The following C10orf67 variants were observed in gnomAD, a reference collection of about 807,000 sequenced individuals.
C10orf67 encodes the protein uncharacterized protein C10orf67, mitochondrial.
In C10orf67, 60 loss-of-function variants were observed where a neutral mutation model predicts 35.6. The observed-to-expected ratio is 1.68, with a 90% CI of 1.37 to 2.09. The LOEUF (loss-of-function observed/expected upper bound fraction) is 2.09, where lower values mean the gene tolerates loss of function less well. C10orf67 is among the 30% of genes most tolerant of loss of function. The probability of loss-of-function intolerance (pLI) is 0.00; values close to 1 mark genes in which losing one functional copy is unlikely to be tolerated. For synonymous variants in C10orf67, 167 were observed against 115.8 expected (o/e 1.44, Z -2.84); for missense variants, 474 against 330.2 (o/e 1.44, Z -3.38).
chr10:23,334,468 T>C (rs1039856404), intron 1 of C10orf67, among the ~76,000 whole-genome samples: 5 of 152,274 alleles, frequency 3.3e-5, no homozygotes, highest in African/African-American at 1.2e-4. Context: ...ATGTCTGTGC[T>C]TCTATCCCAC....
rs553694435 is a variant in C10orf67, at chr10:23,330,625, A to C, written c.327+2437T>G. Among the ~76,000 whole-genome samples the C allele has an allele frequency of 4.2e-3, 639 of 152,142 alleles. 8 individuals are homozygous for C. The highest frequency in any genetic ancestry group is 0.015 in the African/African-American group (620 of 41,504). ...CGTGGTGGCCGGCGCCTGTAGTCCC[A>C]GCTACTCGGGAGGCTGAGGCAGGTG... is the stretch of plus-strand genomic sequence containing the variant. On this transcript the variant is annotated intron_variant, in intron 2 of 15. Coordinates refer to ENST00000636213, the MANE Select transcript of C10orf67 (RefSeq NM_001371909.1).
At chr10:23,259,566 A>G (rs562730629) in intron 10 of C10orf67, among the ~76,000 whole-genome samples, 75 of 152,338 alleles carry the variant, frequency 4.9e-4, no homozygotes, top group African/African-American at 1.8e-3. Context: ...CAATAAACAG[A>G]ACCAGACTCA....
intron 13 of C10orf67, among the ~76,000 whole-genome samples, chr10:23,228,357 T>C (rs546201159): frequency 6.6e-6 from 1 of 152,278 alleles, no homozygotes; most frequent in Admixed American, 6.5e-5. Flanking sequence ...CCCTATTTAA[T>C]AAATGGTGCT....
intron 4 of C10orf67, among the ~76,000 whole-genome samples, chr10:23,310,629 C>T (rs4748857): frequency 0.39 from 59,052 of 152,054 alleles, 14,425 homozygotes; most frequent in East Asian, 0.74. Flanking sequence ...AGGCTTCTGC[C>T]CCATCACCCC....
At chr10:23,295,158 G>C (rs1843844433) in intron 5 of C10orf67, among the ~76,000 whole-genome samples, 1 of 152,158 alleles carries the variant, frequency 6.6e-6, no homozygotes, top group Admixed American at 6.5e-5. Flanking sequence ...AATATTAAGA[G>C]TGTTTACAGA....
At chr10:23,263,241 C>T (rs1842798939) in intron 10 of C10orf67, among the ~76,000 whole-genome samples, 1 of 152,174 alleles carries the variant, frequency 6.6e-6, no homozygotes, top group African/African-American at 2.4e-5. Flanking sequence ...TTGTTTTCTT[C>T]TCTCATAGAG....
intron 10 of C10orf67, among the ~76,000 whole-genome samples, chr10:23,254,294 G>C (rs1461177184): frequency 1.3e-5 from 2 of 152,046 alleles, no homozygotes; most frequent in Non-Finnish European, 2.9e-5. Context: ...TGCAACCTCC[G>C]CCTCCCAGGT....
At chr10:23,270,341 C>T (rs1366119626) in intron 8 of C10orf67, among the ~76,000 whole-genome samples, 1 of 152,138 alleles carries the variant, frequency 6.6e-6, no homozygotes, top group African/African-American at 2.4e-5. Flanking sequence ...CCTGGGAAAC[C>T]ATGCTTCTCC....
chr10:23,312,949 G>A (rs778712684), intron 4 of C10orf67, among the ~76,000 whole-genome samples: 1 of 152,060 alleles, frequency 6.6e-6, no homozygotes, highest in African/African-American at 2.4e-5. Context: ...GTCTTTCCTG[G>A]GTCTCCAGCC....
chr10:23,320,964 C>A, intron 3 of C10orf67, 149 bp from the exon 4 acceptor site: 1 of 593,818 alleles, frequency 1.7e-6, no homozygotes, highest in Admixed American at 3.2e-5. Flanking sequence ...TCCCACCCTG[C>A]AGCCGTTATG....
intron 13 of C10orf67, among the ~76,000 whole-genome samples, chr10:23,238,978 C>A (rs879394132): frequency 6.6e-6 from 1 of 151,552 alleles, no homozygotes. Flanking sequence ...CTTAAAGTGA[C>A]AAATGTTGAA....
At chr10:23,302,109 T>C (rs552764251) in intron 5 of C10orf67, among the ~76,000 whole-genome samples, 5 of 151,958 alleles carry the variant, frequency 3.3e-5, no homozygotes, top group African/African-American at 1.2e-4. Context: ...TAGAGTGAAA[T>C]AGAGTGGAAA....
intron 5 of C10orf67, among the ~76,000 whole-genome samples, chr10:23,297,230 C>CCTTTCCTTT (rs1843909292): frequency 6.9e-6 from 1 of 145,604 alleles, no homozygotes; most frequent in Non-Finnish European, 1.5e-5. Context: ...CTTTCTATTT[C>CCTTTCCTTT]CCTTTCCTTT....
At chr10:23,246,713 T>C (rs1842324434) in intron 12 of C10orf67, among the ~76,000 whole-genome samples, 3 of 152,216 alleles carry the variant, frequency 2.0e-5, no homozygotes, top group African/African-American at 7.2e-5. Flanking sequence ...TGTGTAGGCT[T>C]AGGCTAGTGT....
At position 23,282,035 on chromosome 10, in the gene C10orf67, T is replaced by G; in HGVS notation, c.953A>C (p.Glu318Ala). 1.6e-6 allele frequency: 1 copy of G among 626,356 alleles called. No homozygotes were observed. Among genetic ancestry groups the G allele is most frequent in the Non-Finnish European group, 2.9e-6 (1 of 345,374 alleles). 38.8% of individuals were successfully genotyped at this position (626,356 alleles called of 1,614,324 possible). The change falls in exon 8 of 16, where the codon GAA (glutamate) becomes GCA (alanine). Residue 318 changes from glutamate (E) to alanine (A), a missense_variant. By Grantham distance (107) the Glu-to-Ala change is moderately radical. Transcript: ENST00000636213. Reference sequence around the variant, plus strand: ...TACCACATCCTGAACTAATGATTTTTCATAATGAAGCTCTTCTCTTAATCT... The same window carrying G: ...TACCACATCCTGAACTAATGATTTTGCATAATGAAGCTCTTCTCTTAATCT... Reference protein sequence around the residue: ...RDRLREELHYEKSLVQDVINK... With the variant: ...RDRLREELHYAKSLVQDVINK...
At chr10:23,344,405 C>T in intron 1 of C10orf67, 164 bp downstream of exon 1, 3 of 706,824 alleles carry the variant, frequency 4.2e-6, no homozygotes, top group South Asian at 1.8e-5. Context: ...TGCGCTTTCA[C>T]TGTCCCGCCT....
At chr10:23,262,356 A>C in intron 10 of C10orf67, among the ~76,000 whole-genome samples, 1 of 75,830 alleles carries the variant, frequency 1.3e-5, no homozygotes. Context: ...ATGTTAGGGG[A>C]GGGGGGTGGG....
chr10:23,203,263 T>C lies in C10orf67; in HGVS notation c.*910A>G, dbSNP rs1841069308. The C allele has an allele frequency of 6.6e-6, 1 of 152,216 alleles. No individual in the cohort carries two copies. Among genetic ancestry groups the C allele is most frequent in the South Asian group, 2.1e-4 (1 of 4,824 alleles). The allele number at this position is 152,216 out of a possible 1,614,324, so 9.4% of individuals were successfully genotyped here. A position where few individuals can be genotyped will look rare whatever the true frequency, so the allele number is the denominator to read the frequency against. ...AATAACGCTCCACAGCGCTATACCA[T>C]CCCATGTACTTGCGTTGAAAAGAAC... is the stretch of plus-strand genomic sequence containing the variant. On this transcript the variant is annotated 3_prime_UTR_variant, in exon 16 of 16. Transcript: ENST00000636213.
At chr10:23,290,396 T>C (rs1248652030) in intron 6 of C10orf67, among the ~76,000 whole-genome samples, 1 of 152,246 alleles carries the variant, frequency 6.6e-6, no homozygotes, top group East Asian at 1.9e-4. Flanking sequence ...ATAATATATC[T>C]CATTTTACTG....
Sources: gnomAD v4.1 joint callset for allele counts (sites outside exome capture counted in the v4.1 genomes callset) on GRCh38, gnomAD v4.1.1 for gene constraint, MANE v1.5 for transcripts, NCBI Gene and HGNC (gene_info 2026-07-23, HGNC 2026-07-21) for gene names.